The following RAB43 variants were observed in gnomAD, a reference collection of about 807,000 sequenced individuals.
RAB43 encodes ras-related protein Rab-43.
Under a neutral mutation model 18.8 loss-of-function variants are expected in RAB43, and 6 were observed. The observed-to-expected ratio is 0.32, with a 90% CI of 0.17 to 0.63. RAB43 has a LOEUF of 0.63. Ranked by LOEUF, RAB43 falls within the 30% of genes least tolerant of loss-of-function variation. The probability of loss-of-function intolerance (pLI) is 0.79; values close to 1 mark genes in which losing one functional copy is unlikely to be tolerated. For missense variants in RAB43, 195 were observed against 289.1 expected (o/e 0.67, Z 2.36); for synonymous variants, 103 against 124.1 (o/e 0.83, Z 1.13).
At chr3:129,108,884 G>C (rs1357761291) in intron 1 of RAB43, among the ~76,000 whole-genome samples, 2 of 152,190 alleles carry the variant, frequency 1.3e-5, no homozygotes, top group Non-Finnish European at 2.9e-5. Context: ...ACCGGGGGCT[G>C]CCTCCTGTGC....
chr3:129,094,399 G>A (rs550942185), intron 2 of RAB43, among the ~76,000 whole-genome samples: 1 of 151,956 alleles, frequency 6.6e-6, no homozygotes, highest in South Asian at 2.1e-4. Context: ...GTCAAATGAG[G>A]AGAAGCCGGG....
chr3:129,103,216 A>G (rs1041526100), intron 1 of RAB43, among the ~76,000 whole-genome samples: 1 of 152,110 alleles, frequency 6.6e-6, no homozygotes, highest in Admixed American at 6.5e-5. Flanking sequence ...TCCCCACTGC[A>G]TCTGCCCTAG....
rs150904275 is a variant in RAB43 at position 129,091,983 on chromosome 3, G to A, written c.389-637C>T. Reference sequence around the variant, plus strand: ...CTACTCGGGTGCCTGAGGCAGGAGTGGCAAGCGGAGGTTGCAGTGAGCCGA... The same window carrying A: ...CTACTCGGGTGCCTGAGGCAGGAGTAGCAAGCGGAGGTTGCAGTGAGCCGA... On this transcript the variant is annotated intron_variant, in intron 2 of 2. Transcript: ENST00000315150. Among the ~76,000 whole-genome samples, 34 of 151,364 alleles carry A rather than the reference G, an allele frequency of 2.2e-4. No individual in the cohort carries two copies. The East Asian group carries it at 4.7e-3, about 21-fold the overall frequency.
rs901133616 is a variant in RAB43 at position 129,107,122 on chromosome 3, G to A, written c.205-11953C>T. On this transcript the variant is annotated intron_variant, in intron 1 of 2. Transcript: ENST00000315150. The surrounding 1 kb of genome is among the most constrained non-coding windows in gnomAD (Gnocchi z 4.2). ...CCTGTGTGTCAGGCCACTTCATCCCGTGACAACCCTAGAAGGTGGGTCTCA... is the reference window on the plus strand; with the variant it reads ...CCTGTGTGTCAGGCCACTTCATCCCATGACAACCCTAGAAGGTGGGTCTCA... Among the ~76,000 whole-genome samples, 4 of 152,138 alleles carry A rather than the reference G, an allele frequency of 2.6e-5. No homozygotes were observed. Among genetic ancestry groups the A allele is most frequent in the African/African-American group, 4.8e-5 (2 of 41,428 alleles).
At chr3:129,097,035 C>T (rs959907415) in intron 1 of RAB43, among the ~76,000 whole-genome samples, 4 of 152,060 alleles carry the variant, frequency 2.6e-5, no homozygotes, top group Admixed American at 2.6e-4. Flanking sequence ...ATCGCTTGAA[C>T]CTGGGAGGCA....
chr3:129,119,246 T>C (rs1935743335), intron 1 of RAB43, among the ~76,000 whole-genome samples: 1 of 152,208 alleles, frequency 6.6e-6, no homozygotes. Flanking sequence ...CCAGGAAGCC[T>C]GACTCGAAGG....
At chr3:129,093,228 C>A (rs976357206) in intron 2 of RAB43, among the ~76,000 whole-genome samples, 8 of 151,796 alleles carry the variant, frequency 5.3e-5, no homozygotes. Flanking sequence ...TGAACTCAGG[C>A]AATCCACCCA....
chr3:129,120,838 G>A (rs1220440553), intron 1 of RAB43, among the ~76,000 whole-genome samples: 1 of 152,190 alleles, frequency 6.6e-6, no homozygotes, highest in Non-Finnish European at 1.5e-5. Flanking sequence ...TAGTCCTGGG[G>A]TGGGGATGCA....
At chr3:129,111,307 G>A (rs549556163) in intron 1 of RAB43, among the ~76,000 whole-genome samples, 5 of 151,980 alleles carry the variant, frequency 3.3e-5, no homozygotes, top group African/African-American at 4.8e-5. Context: ...TTAAGGTCAG[G>A]AGTTTGAGAC....
intron 1 of RAB43, among the ~76,000 whole-genome samples, chr3:129,101,713 G>A (rs1302592296): frequency 6.6e-6 from 1 of 152,212 alleles, no homozygotes; most frequent in Non-Finnish European, 1.5e-5. Context: ...AGGAAACTGG[G>A]AGGAGACACG....
At chr3:129,120,193 C>G (rs1025050518) in intron 1 of RAB43, among the ~76,000 whole-genome samples, 2 of 152,182 alleles carry the variant, frequency 1.3e-5, no homozygotes, top group Non-Finnish European at 2.9e-5. Flanking sequence ...TTTTCTCCAC[C>G]TTGGGGCAGG....
intron 1 of RAB43, among the ~76,000 whole-genome samples, chr3:129,114,255 G>T (rs935719657): frequency 1.3e-5 from 2 of 152,192 alleles, no homozygotes; most frequent in African/African-American, 4.8e-5. Flanking sequence ...TAATCAATGT[G>T]TAAAATGCAA....
intron 1 of RAB43, among the ~76,000 whole-genome samples, chr3:129,101,311 A>G (rs1934399553): frequency 6.6e-6 from 1 of 152,274 alleles, no homozygotes; most frequent in Non-Finnish European, 1.5e-5. Flanking sequence ...AAAGAAAAAC[A>G]TACTAGGCTG....
intron 1 of RAB43, among the ~76,000 whole-genome samples, chr3:129,110,950 GTAAGA>G (rs1391331208): frequency 6.6e-6 from 1 of 151,410 alleles, no homozygotes; most frequent in Non-Finnish European, 1.5e-5. Context: ...GGATAGTAAG[GTAAGA>G]TAATTCAGGG....
chr3:129,121,315 T>C lies in RAB43; in HGVS notation c.175A>G (p.Thr59Ala), dbSNP rs964517136. Reference protein sequence around the residue: ...STIGVDFTMKTLEIQGKRVKL... With the variant: ...STIGVDFTMKALEIQGKRVKL... ...ACCCGCTTGCCCTGGATCTCCAGCG[T>C]CTTCATGGTGAAGTCGACGCCGATG... The change falls in exon 1 of 3, where the codon ACG becomes GCG. Residue 59 changes from threonine to alanine, a missense_variant. Physicochemically the swap from Thr to Ala is moderately conservative, Grantham distance 58. Transcript: ENST00000315150. 4.4e-6 allele frequency: 7 copies of C among 1,609,132 alleles called. No individual in the cohort carries two copies. Among genetic ancestry groups the C allele is most frequent in the Admixed American group, 1.7e-5 (1 of 59,250 alleles).
chr3:129,118,156 G>C (rs1935668370), intron 1 of RAB43, among the ~76,000 whole-genome samples: 1 of 152,198 alleles, frequency 6.6e-6, no homozygotes, highest in African/African-American at 2.4e-5. Context: ...CAAAGGTCCT[G>C]AGGCAGGGGT....
chr3:129,121,068 G>GCCCCCCCCCCCCCCCCCCCC (rs56235562), intron 1 of RAB43, among the ~76,000 whole-genome samples: 4 of 82,152 alleles, frequency 4.9e-5, no homozygotes, highest in African/African-American at 1.7e-4. Flanking sequence ...ACACTCCCTC[G>GCCCCCCCCCCCCCCCCCCCC]CCCCCCCCCC....
chr3:129,119,312 A>C (rs1935748421), intron 1 of RAB43, among the ~76,000 whole-genome samples: 1 of 152,174 alleles, frequency 6.6e-6, no homozygotes, highest in African/African-American at 2.4e-5. Flanking sequence ...CTCTGCAGTG[A>C]GTTAGACTTC....
rs367653097 is a variant in RAB43, at chr3:129,121,563, G to A, written c.-74C>T. 4.3e-5 allele frequency: 55 copies of A among 1,289,010 alleles called. 1 individual carries two copies. In the East Asian group the frequency reaches 1.3e-3, roughly 30 times the overall value. 79.8% of individuals were successfully genotyped at this position (1,289,010 alleles called of 1,614,324 possible). A position where few individuals can be genotyped will look rare whatever the true frequency, so the allele number is the denominator to read the frequency against. Reference sequence around the variant, plus strand: ...TGAGCTCACGCAAGCCGCGGGCCGAGCTCCGCCCGCTCCAGCCCACGGGCC... The same window carrying A: ...TGAGCTCACGCAAGCCGCGGGCCGAACTCCGCCCGCTCCAGCCCACGGGCC... On this transcript the variant is annotated 5_prime_UTR_variant, in exon 1 of 3. Coordinates refer to ENST00000315150, the MANE Select transcript of RAB43 (RefSeq NM_198490.3).
Sources: gnomAD v4.1 joint callset for allele counts (sites outside exome capture counted in the v4.1 genomes callset) on GRCh38, gnomAD v4.1.1 for gene constraint, Gnocchi (gnomAD v3.1) non-coding constraint, MANE v1.5 for transcripts, NCBI Gene and HGNC (gene_info 2026-07-23, HGNC 2026-07-21) for gene names.